UBE2E2: variants seen among roughly 807,000 people sequenced by gnomAD.
UBE2E2 encodes the protein ubiquitin-conjugating enzyme E2 E2.
In UBE2E2, 6 loss-of-function variants were observed where a neutral mutation model predicts 24.7. The ratio of observed to expected loss-of-function variants is 0.24; its 90% CI spans 0.13 to 0.48. The LOEUF (loss-of-function observed/expected upper bound fraction) is 0.48, where lower values mean the gene tolerates loss of function less well. Among genes scored for constraint, UBE2E2 ranks in the 20% least tolerant of loss-of-function variants. The pLI, the probability that UBE2E2 is intolerant of heterozygous loss-of-function variation, is 0.99. For synonymous variants in UBE2E2, 104 were observed against 83.6 expected, an observed-to-expected ratio of 1.24 and a Z score of -1.33; for missense variants, 169 against 245.0, an observed-to-expected ratio of 0.69 and a Z score of 2.07.
At chr3:23,352,706 G>C (rs1056315155) in intron 3 of UBE2E2, among the ~76,000 whole-genome samples, 1 of 152,080 alleles carries the variant, frequency 6.6e-6, no homozygotes, top group Admixed American at 6.6e-5. Flanking sequence ...TCTCTGAATA[G>C]ACCAATAACA....
At chr3:23,448,885 T>G (rs1338311634) in intron 3 of UBE2E2, among the ~76,000 whole-genome samples, 2 of 152,206 alleles carry the variant, frequency 1.3e-5, no homozygotes, top group Non-Finnish European at 2.9e-5. Context: ...GGAAAAATAA[T>G]GTCACAAATT....
rs901187059 is a variant in UBE2E2 at position 23,269,161 on chromosome 3, A to C, written c.227+51849A>C. Among the ~76,000 whole-genome samples, 8 of 152,350 alleles carry C rather than the reference A, an allele frequency of 5.3e-5. No homozygotes were observed. The East Asian group carries it at 1.3e-3, about 26-fold the overall frequency. On this transcript the variant is annotated intron_variant, in intron 3 of 5. Coordinates refer to ENST00000396703, the MANE Select transcript of UBE2E2 (RefSeq NM_152653.4). ...GGCATGGGCAAGGACTTCATGTCTA[A>C]AACACCAAAAGCATGGCAACAAAAG...
intron 3 of UBE2E2, among the ~76,000 whole-genome samples, chr3:23,336,544 C>A (rs79622966): frequency 4.6e-5 from 7 of 152,308 alleles, no homozygotes; most frequent in Non-Finnish European, 8.8e-5. Context: ...CAATCACCAT[C>A]TCCTTTAGAC....
At chr3:23,586,544 A>T (rs1210592880) in intron 5 of UBE2E2, among the ~76,000 whole-genome samples, 2 of 151,850 alleles carry the variant, frequency 1.3e-5, no homozygotes, top group Admixed American at 6.6e-5. Context: ...GCTGTCCTCC[A>T]CCCTCAGACT....
intron 3 of UBE2E2, among the ~76,000 whole-genome samples, chr3:23,221,274 T>G (rs1349446801): frequency 6.6e-6 from 1 of 152,208 alleles, no homozygotes; most frequent in East Asian, 1.9e-4. Context: ...TGGCGCTGCT[T>G]TTTAATTTTG....
intron 3 of UBE2E2, among the ~76,000 whole-genome samples, chr3:23,478,959 G>A (rs1444758795): frequency 6.6e-6 from 1 of 152,022 alleles, no homozygotes; most frequent in Non-Finnish European, 1.5e-5. Flanking sequence ...TCAAGAGGTT[G>A]AGGTGGGAGG....
intron 3 of UBE2E2, among the ~76,000 whole-genome samples, chr3:23,491,817 C>T (rs1699502892): frequency 6.6e-6 from 1 of 152,166 alleles, no homozygotes; most frequent in South Asian, 2.1e-4. Context: ...GAGGGAAGCA[C>T]AACTGGAGGC....
chr3:23,364,766 A>T (rs1238065423), intron 3 of UBE2E2, among the ~76,000 whole-genome samples: 4 of 152,186 alleles, frequency 2.6e-5, no homozygotes, highest in Non-Finnish European at 1.5e-5. Flanking sequence ...TCTCTAATTC[A>T]TTCTGTGAGG....
chr3:23,479,462 G>A (rs2125440788), intron 3 of UBE2E2, among the ~76,000 whole-genome samples: 1 of 152,282 alleles, frequency 6.6e-6, no homozygotes, highest in African/African-American at 2.4e-5. Context: ...CTAGCTCAGG[G>A]AGCCCCTAGG....
chr3:23,320,780 C>T lies in UBE2E2; in HGVS notation c.227+103468C>T, dbSNP rs184076575. ...GCTGGACTCTTTGATTAATCCACCCCGGCATCCCCCATCTCCTGTTAAGCT... is the reference window on the plus strand; with the variant it reads ...GCTGGACTCTTTGATTAATCCACCCTGGCATCCCCCATCTCCTGTTAAGCT... On this transcript the variant is annotated intron_variant, in intron 3 of 5. Coordinates refer to ENST00000396703, the MANE Select transcript of UBE2E2 (RefSeq NM_152653.4). 7.0e-4 allele frequency among the ~76,000 whole-genome samples: 107 copies of T among 152,272 alleles called. 1 individual carries two copies. The highest frequency in any genetic ancestry group is 2.2e-3 in the African/African-American group (92 of 41,564).
rs116278050 is a variant in UBE2E2, at chr3:23,373,270, G to C, written c.228-126338G>C. On this transcript the variant is annotated intron_variant, in intron 3 of 5. Coordinates refer to ENST00000396703, the MANE Select transcript of UBE2E2 (RefSeq NM_152653.4). ...GTGGAAATGGAAAGGAAGGACGGCTGGCTCAAATTCTGGAGATACTATATG... is the reference window on the plus strand; with the variant it reads ...GTGGAAATGGAAAGGAAGGACGGCTCGCTCAAATTCTGGAGATACTATATG... Among the ~76,000 whole-genome samples the C allele has an allele frequency of 1.7e-3, 258 of 152,240 alleles. 1 individual carries two copies. Among genetic ancestry groups the C allele is most frequent in the African/African-American group, 6.0e-3 (249 of 41,538 alleles).
At chr3:23,423,659 G>C (rs1697855774) in intron 3 of UBE2E2, among the ~76,000 whole-genome samples, 1 of 152,114 alleles carries the variant, frequency 6.6e-6, no homozygotes, top group Non-Finnish European at 1.5e-5. Context: ...TTTATTTCTA[G>C]ATCAGTGATT....
chr3:23,273,375 A>C (rs986751869), intron 3 of UBE2E2, among the ~76,000 whole-genome samples: 1 of 152,132 alleles, frequency 6.6e-6, no homozygotes, highest in East Asian at 1.9e-4. Context: ...AAAATACAAA[A>C]AAAAAATTAG....
chr3:23,301,202 C>G (rs1699075786), intron 3 of UBE2E2, among the ~76,000 whole-genome samples: 1 of 151,962 alleles, frequency 6.6e-6, no homozygotes, highest in Admixed American at 6.6e-5. Flanking sequence ...TTTTTCAAAG[C>G]TTTTTACTTC....
rs1368799841 is a variant in UBE2E2, at chr3:23,219,829, CAG to C, written c.227+2522_227+2523del. ...CATCTGTGGGTTTTACCTGTTTAGT[CAG>C]AGAGTGGAGAACGATTTTTTCTACT... On this transcript the variant is annotated intron_variant, in intron 3 of 5. Transcript: ENST00000396703. Among the ~76,000 whole-genome samples the C allele has an allele frequency of 2.6e-5, 4 of 152,096 alleles. No homozygotes were observed. In the East Asian group the frequency reaches 5.8e-4, roughly 22 times the overall value.
intron 3 of UBE2E2, among the ~76,000 whole-genome samples, chr3:23,230,222 T>C (rs1032334084): frequency 6.6e-5 from 10 of 152,196 alleles, no homozygotes; most frequent in Non-Finnish European, 1.0e-4. Flanking sequence ...GAAAGCAATA[T>C]TGCAAATGAT....
intron 3 of UBE2E2, among the ~76,000 whole-genome samples, chr3:23,364,921 C>T (rs1021240508): frequency 6.6e-6 from 1 of 152,150 alleles, no homozygotes; most frequent in East Asian, 1.9e-4. Flanking sequence ...AGTTAATCCA[C>T]TGTGATCAAG....
Position 23,208,862 on chromosome 3 carries a change from A to G in UBE2E2, c.163A>G (p.Thr55Ala), listed in dbSNP as rs752327290. Residue 55 changes from threonine (T) to alanine (A), a missense_variant, in exon 2 of 6, where the codon ACT becomes GCT. By Grantham distance (58) the Thr-to-Ala change is moderately conservative. This residue lies in a region of UBE2E2 where 64 missense variants were observed against 64.3 expected (regional missense o/e 1.00). Coordinates refer to ENST00000396703, the MANE Select transcript of UBE2E2 (RefSeq NM_152653.4). ...CAGCAAAACCGCTGCTAAATTGTCA[A>G]CTAGTGCTAAAAGGTACTTCAGTTA... ...ISSKTAAKLS[T>A]SAKRIQKELA... 3 of 1,612,586 alleles carry G rather than the reference A, an allele frequency of 1.9e-6. No homozygotes were observed. Among genetic ancestry groups the G allele is most frequent in the South Asian group, 1.1e-5 (1 of 90,818 alleles).
At position 23,589,684 on chromosome 3, in the gene UBE2E2, TC is replaced by T; in HGVS notation, c.509-45del. ...CCTTGCCAGCTTTCTGAACACTTCT[TC>T]CCCCACAGTGCTGGTATTTACTGAC... On this transcript the variant is annotated intron_variant, in intron 5 of 5. Coordinates refer to ENST00000396703, the MANE Select transcript of UBE2E2 (RefSeq NM_152653.4). The surrounding 1 kb of genome is among the most constrained non-coding windows in gnomAD (Gnocchi z 4.1). The T allele has an allele frequency of 6.3e-7, 1 of 1,591,428 alleles. No individual in the cohort carries two copies. Among genetic ancestry groups the T allele is most frequent in the Non-Finnish European group, 8.6e-7 (1 of 1,161,026 alleles).
Sources: gnomAD v4.1 joint callset for allele counts (sites outside exome capture counted in the v4.1 genomes callset) on GRCh38, gnomAD v4.1.1 for gene constraint, gnomAD v4.1.1 regional missense constraint, Gnocchi (gnomAD v3.1) non-coding constraint, MANE v1.5 for transcripts, NCBI Gene and HGNC (gene_info 2026-07-23, HGNC 2026-07-21) for gene names.